LAMA3: variants seen among roughly 807,000 people sequenced by gnomAD.
The protein encoded by LAMA3 is laminin subunit alpha-3.
A neutral mutation model predicts 402.0 loss-of-function variants in LAMA3; 281 were observed. The ratio of observed to expected loss-of-function variants is 0.70; its 90% CI spans 0.63 to 0.77. The LOEUF is 0.77. LAMA3 is among the 30% of genes least tolerant of loss of function. LAMA3 has a pLI of 0.00. For synonymous variants in LAMA3, 1,431 were observed against 1,558.4 expected (o/e 0.92, Z 1.93); for missense variants, 3,840 against 4,215.5 (o/e 0.91, Z 2.47).
chr18:23,794,091 C>G (rs976184104), intron 12 of LAMA3, among the ~76,000 whole-genome samples: 1 of 152,232 alleles, frequency 6.6e-6, no homozygotes, highest in Non-Finnish European at 1.5e-5. Context: ...CCTCCAGGAA[C>G]CTCCCCACAT....
At chr18:23,876,464 C>A (rs915778319) in intron 39 of LAMA3, 57 bp downstream of exon 39, 5 of 1,139,434 alleles carry the variant, frequency 4.4e-6, no homozygotes, top group South Asian at 1.3e-5. Context: ...CCTCCATTCC[C>A]CTGTACTATG....
Position 23,815,559 on chromosome 18 carries a change from AC to A in LAMA3, c.2034del (p.Phe679LeufsTer51). On this transcript the variant is annotated frameshift_variant, in exon 17 of 75. Transcript: ENST00000313654. LOFTEE classifies it high-confidence loss of function. ...DGYFALEKSN[Y>X]FGCQGCQCDI... Reference sequence around the variant, plus strand: ...TATTTTGCTTTGGAAAAGAGCAATTACTTTGGGTGTCAAGGTAAATAAGTCC... The same window carrying A: ...TATTTTGCTTTGGAAAAGAGCAATTATTTGGGTGTCAAGGTAAATAAGTCC... The A allele has an allele frequency of 6.2e-7, 1 of 1,613,346 alleles. No homozygotes were observed. The highest frequency in any genetic ancestry group is 8.5e-7 in the Non-Finnish European group (1 of 1,179,236).
chr18:23,848,725 G>A (rs923590041), intron 32 of LAMA3, among the ~76,000 whole-genome samples: 8 of 152,132 alleles, frequency 5.3e-5, no homozygotes, highest in African/African-American at 1.9e-4. Context: ...TGCCATTAAC[G>A]AATGCCACAA....
Position 23,904,653 on chromosome 18 carries a change from G to T in LAMA3, c.6574G>T (p.Ala2192Ser). Residue 2192 changes from alanine to serine, a missense_variant, in exon 51 of 75, where the codon GCA becomes TCA. Around this residue, in one of 3 missense-constraint regions of LAMA3, gnomAD observed 891 missense variants for 857.5 expected, o/e 1.04. Transcript: ENST00000313654. Reference protein sequence around the residue: ...ILNAIKAAEDAANRAASASES... With the variant: ...ILNAIKAAEDSANRAASASES... ...CAATGCCATCAAAGCGGCCGAGGAC[G>T]CAGCCAACAGGGCTGCCAGTGCATC... 2 of 1,613,978 alleles carry T rather than the reference G, an allele frequency of 1.2e-6. No homozygotes were observed. Among genetic ancestry groups the T allele is most frequent in the Non-Finnish European group, 8.5e-7 (1 of 1,179,982 alleles).
rs148722350 is a variant in LAMA3, at chr18:23,773,875, G to T, written c.1273+288G>T. On this transcript the variant is annotated intron_variant, in intron 9 of 74. Transcript: ENST00000313654. ...GTCACATATTAGGCCTGTGATAAATGTTAGTTTCTCCATTTTCTGTTGTTT... is the reference window on the plus strand; with the variant it reads ...GTCACATATTAGGCCTGTGATAAATTTTAGTTTCTCCATTTTCTGTTGTTT... 2.4e-3 allele frequency among the ~76,000 whole-genome samples: 360 copies of T among 152,324 alleles called. 1 individual carries two copies. Among genetic ancestry groups the T allele is most frequent in the African/African-American group, 8.2e-3 (340 of 41,568 alleles).
intron 27 of LAMA3, among the ~76,000 whole-genome samples, chr18:23,842,174 A>G (rs2063715593): frequency 6.6e-6 from 1 of 152,162 alleles, no homozygotes; most frequent in Admixed American, 6.5e-5. Context: ...CAACCAAGAG[A>G]CATTTGGTTT....
At chr18:23,895,179 T>A in intron 44 of LAMA3, 121 bp downstream of exon 44, 1 of 1,139,528 alleles carries the variant, frequency 8.8e-7, no homozygotes, top group Non-Finnish European at 1.3e-6. Context: ...CTCCTTCCTC[T>A]GATCCAAATG....
chr18:23,690,052 C>CG (rs2060551207), intron 1 of LAMA3, 75 bp downstream of exon 1: 2 of 1,185,340 alleles, frequency 1.7e-6, no homozygotes, highest in Admixed American at 6.7e-5. Context: ...GAGAAGGGAT[C>CG]GGGCCCTTTC....
intron 7 of LAMA3, among the ~76,000 whole-genome samples, chr18:23,762,982 G>A (rs1420293991): frequency 2.0e-5 from 3 of 151,788 alleles, no homozygotes; most frequent in Admixed American, 2.0e-4. Context: ...TCAGCCTCCC[G>A]AATAGCTGGG....
intron 68 of LAMA3, 122 bp from the exon 69 acceptor site, chr18:23,943,666 C>T (rs886399852): frequency 1.9e-5 from 16 of 843,152 alleles, no homozygotes; most frequent in Non-Finnish European, 2.8e-5. Context: ...TCAGTACCTA[C>T]GTTAGCTTAT....
At chr18:23,854,789 C>A (rs550663072) in intron 32 of LAMA3, among the ~76,000 whole-genome samples, 2 of 151,756 alleles carry the variant, frequency 1.3e-5, no homozygotes, top group South Asian at 4.2e-4. Context: ...CGAGACCATC[C>A]TGGCTAACAC....
chr18:23,708,573 T>G (rs1362144144), intron 1 of LAMA3, among the ~76,000 whole-genome samples: 1 of 152,168 alleles, frequency 6.6e-6, no homozygotes, highest in East Asian at 1.9e-4. Context: ...TGATGTTCTC[T>G]GAGACTATTA....
intron 67 of LAMA3, among the ~76,000 whole-genome samples, chr18:23,935,628 T>G (rs1157792590): frequency 6.6e-6 from 1 of 152,114 alleles, no homozygotes; most frequent in Non-Finnish European, 1.5e-5. Flanking sequence ...ATTAAACCTC[T>G]CTCTGGGTCT....
At chr18:23,810,239 A>G in intron 12 of LAMA3, 127 bp from the exon 13 acceptor site, 2 of 1,108,706 alleles carry the variant, frequency 1.8e-6, no homozygotes, top group South Asian at 2.6e-5. Context: ...CGATCTCATA[A>G]GAAGTGGAGC....
chr18:23,782,743 C>T (rs1386688646), intron 11 of LAMA3, among the ~76,000 whole-genome samples: 2 of 150,496 alleles, frequency 1.3e-5, no homozygotes, highest in Non-Finnish European at 2.9e-5. Context: ...AATTCTGACT[C>T]TGCTTCCCTG....
chr18:23,692,880 A>C (rs1352953418), intron 1 of LAMA3, among the ~76,000 whole-genome samples: 2 of 152,166 alleles, frequency 1.3e-5, no homozygotes, highest in Non-Finnish European at 2.9e-5. Flanking sequence ...TTGAATTGAT[A>C]CTAGCTTAAC....
intron 2 of LAMA3, among the ~76,000 whole-genome samples, chr18:23,725,278 C>T (rs2850206): frequency 0.063 from 9,609 of 152,074 alleles, 635 homozygotes; most frequent in Admixed American, 0.18. Flanking sequence ...CCCAGCTAAT[C>T]TTTTGTATTT....
At chr18:23,853,007 T>C (rs1009970828) in intron 32 of LAMA3, among the ~76,000 whole-genome samples, 17 of 152,138 alleles carry the variant, frequency 1.1e-4, no homozygotes, top group African/African-American at 4.1e-4. Context: ...CATCATCTCA[T>C]TGGCCAAAGC....
At chr18:23,912,138 AG>A (rs2081450239) in intron 55 of LAMA3, among the ~76,000 whole-genome samples, 1 of 79,964 alleles carries the variant, frequency 1.3e-5, no homozygotes, top group East Asian at 2.2e-4. Flanking sequence ...AGATATATAT[AG>A]TTTTTTTTTT....
Sources: gnomAD v4.1 joint callset for allele counts (sites outside exome capture counted in the v4.1 genomes callset) on GRCh38, gnomAD v4.1.1 for gene constraint, gnomAD v4.1.1 regional missense constraint, MANE v1.5 for transcripts, NCBI Gene and HGNC (gene_info 2026-07-23, HGNC 2026-07-21) for gene names.